DCC: variants seen among roughly 807,000 people sequenced by gnomAD.
DCC encodes the protein netrin receptor DCC.
DCC carries 58 observed loss-of-function variants against 172.5 expected under a neutral mutation model. That is an observed-to-expected ratio of 0.34 (90% CI 0.27 to 0.42). DCC has a LOEUF of 0.42. Ranked by LOEUF, DCC falls within the 10% of genes least tolerant of loss-of-function variation. The probability of loss-of-function intolerance (pLI) is 1.00; values close to 1 mark genes in which losing one functional copy is unlikely to be tolerated. For synonymous variants in DCC, 709 were observed against 644.5 expected, an observed-to-expected ratio of 1.10 and a Z score of -1.52; for missense variants, 1,740 against 1,791.0, an observed-to-expected ratio of 0.97 and a Z score of 0.51.
chr18:53,413,071 A>C (rs1343811786), intron 20 of DCC, among the ~76,000 whole-genome samples: 1 of 152,138 alleles, frequency 6.6e-6, no homozygotes, highest in African/African-American at 2.4e-5. Flanking sequence ...TCTCTGCCCT[A>C]TCCTGTGGGT....
intron 5 of DCC, among the ~76,000 whole-genome samples, chr18:53,047,479 AGGAATCT>A (rs1568268545): frequency 2.3e-4 from 15 of 63,890 alleles, no homozygotes; most frequent in African/African-American, 3.8e-4. Context: ...TTTGCTATTG[AGGAATCT>A]TTTTTTTATT....
chr18:52,877,704 T>A (rs1028089083), intron 2 of DCC, among the ~76,000 whole-genome samples: 1 of 148,704 alleles, frequency 6.7e-6, no homozygotes, highest in Admixed American at 6.7e-5. Flanking sequence ...TGAGACAATA[T>A]AAAAAAAAAA....
intron 17 of DCC, 21 bp downstream of exon 17, chr18:53,391,908 A>C: frequency 7.4e-7 from 1 of 1,345,976 alleles, no homozygotes; most frequent in Non-Finnish European, 1.1e-6. Context: ...AATTGATAGC[A>C]TGAAATTTAA....
At chr18:52,629,035 C>T (rs1050115157) in intron 1 of DCC, among the ~76,000 whole-genome samples, 5 of 152,076 alleles carry the variant, frequency 3.3e-5, no homozygotes, top group African/African-American at 9.7e-5. Context: ...TTGGTGCAGC[C>T]GTGAGGATAT....
chr18:52,509,394 C>T (rs559496331), intron 1 of DCC, among the ~76,000 whole-genome samples: 2 of 152,238 alleles, frequency 1.3e-5, no homozygotes, highest in African/African-American at 2.4e-5. Context: ...TTAAAAGTAC[C>T]TCTGTGGCTC....
intron 3 of DCC, among the ~76,000 whole-genome samples, chr18:52,912,135 T>C (rs2039979222): frequency 6.6e-6 from 1 of 152,098 alleles, no homozygotes; most frequent in African/African-American, 2.4e-5. Context: ...AATGATTAAG[T>C]ACAAATCTTG....
intron 1 of DCC, among the ~76,000 whole-genome samples, chr18:52,352,387 C>T (rs564001759): frequency 6.6e-6 from 1 of 152,246 alleles, no homozygotes; most frequent in Non-Finnish European, 1.5e-5. Context: ...AAATCAATCA[C>T]ATCATGGTTT....
chr18:52,419,855 A>T (rs1490959331), intron 1 of DCC, among the ~76,000 whole-genome samples: 1 of 152,202 alleles, frequency 6.6e-6, no homozygotes, highest in East Asian at 1.9e-4. Flanking sequence ...TTAGTTTCAT[A>T]AGAACATATA....
intron 25 of DCC, among the ~76,000 whole-genome samples, chr18:53,483,140 C>T (rs72918264): frequency 0.018 from 2,712 of 152,012 alleles, 34 homozygotes; most frequent in Non-Finnish European, 0.029. Flanking sequence ...GAATTTATAA[C>T]ATTTTGGCTG....
intron 5 of DCC, among the ~76,000 whole-genome samples, chr18:53,052,734 G>A (rs73957009): frequency 0.039 from 5,992 of 152,158 alleles, 375 homozygotes; most frequent in African/African-American, 0.13. Flanking sequence ...AGAAGGGGCT[G>A]TTCTCAAGTT....
chr18:52,953,103 A>G (rs558080691), intron 5 of DCC, among the ~76,000 whole-genome samples: 5 of 151,884 alleles, frequency 3.3e-5, no homozygotes, highest in East Asian at 1.9e-4. Context: ...TTGTGAAGTC[A>G]AATATGTCTC....
At position 53,276,394 on chromosome 18, in the gene DCC, TA is replaced by T. The variant is rs372991672; in HGVS notation, c.1912-29182del. 5.2e-3 allele frequency among the ~76,000 whole-genome samples: 796 copies of T among 152,332 alleles called. 6 individuals carry two copies. Among genetic ancestry groups the T allele is most frequent in the South Asian group, 0.016 (79 of 4,832 alleles). Reference sequence around the variant, plus strand: ...ACCTGTATTTAGAAAGATCACATATTAATTCTAGTTCTCATTCCATTGTTCT... The same window carrying T: ...ACCTGTATTTAGAAAGATCACATATTATTCTAGTTCTCATTCCATTGTTCT... On this transcript the variant is annotated intron_variant, in intron 12 of 28. Coordinates refer to ENST00000442544, the MANE Select transcript of DCC (RefSeq NM_005215.4).
intron 14 of DCC, among the ~76,000 whole-genome samples, chr18:53,338,264 A>G (rs2057613833): frequency 6.6e-6 from 1 of 152,194 alleles, no homozygotes; most frequent in South Asian, 2.1e-4. Context: ...CCTGAACATT[A>G]CAGGCACCTA....
At chr18:52,577,804 C>A (rs1015245085) in intron 1 of DCC, among the ~76,000 whole-genome samples, 2 of 152,152 alleles carry the variant, frequency 1.3e-5, no homozygotes, top group African/African-American at 4.8e-5. Context: ...GTTTAAACCT[C>A]TTCTGATGCC....
intron 8 of DCC, among the ~76,000 whole-genome samples, chr18:53,161,818 G>A (rs960876602): frequency 2.6e-5 from 4 of 152,034 alleles, no homozygotes; most frequent in Admixed American, 2.6e-4. Context: ...ACTCTTGGCA[G>A]TACCATCAAA....
At chr18:52,713,884 A>G (rs2036336983) in intron 1 of DCC, among the ~76,000 whole-genome samples, 1 of 152,220 alleles carries the variant, frequency 6.6e-6, no homozygotes, top group South Asian at 2.1e-4. Flanking sequence ...GGGCAGACCA[A>G]AAGTACAAGT....
chr18:53,511,856 G>A (rs1161893865), intron 27 of DCC, among the ~76,000 whole-genome samples: 1 of 152,196 alleles, frequency 6.6e-6, no homozygotes, highest in South Asian at 2.1e-4. Flanking sequence ...GGCAGTCTGA[G>A]ATCAAACTGC....
At chr18:53,219,946 A>C (rs1026660287) in intron 12 of DCC, among the ~76,000 whole-genome samples, 7 of 152,148 alleles carry the variant, frequency 4.6e-5, no homozygotes, top group African/African-American at 1.7e-4. Context: ...TTATGGGATA[A>C]CTGCAGAAGG....
In DCC at chr18:52,796,273, G is replaced by T. The variant is rs1366742255; in HGVS notation, c.412+43899G>T. Among the ~76,000 whole-genome samples the T allele has an allele frequency of 2.6e-5, 4 of 151,690 alleles. No homozygotes were observed. The East Asian group carries it at 7.8e-4, about 30-fold the overall frequency. On this transcript the variant is annotated intron_variant, in intron 2 of 28. Transcript: ENST00000442544. ...TATTAATAAGTGAGGACTTACTCTT[G>T]TCATTTTGTTAGTTTTCTGGGTGTT... is the stretch of plus-strand genomic sequence containing the variant.
Sources: gnomAD v4.1 joint callset for allele counts (sites outside exome capture counted in the v4.1 genomes callset) on GRCh38, gnomAD v4.1.1 for gene constraint, MANE v1.5 for transcripts, NCBI Gene and HGNC (gene_info 2026-07-23, HGNC 2026-07-21) for gene names.